The following PPM1L variants were observed in gnomAD, a reference collection of about 807,000 sequenced individuals.
PPM1L encodes protein phosphatase, Mg2+/Mn2+ dependent 1L.
A neutral mutation model predicts 31.4 loss-of-function variants in PPM1L; 13 were observed. The ratio of observed to expected loss-of-function variants is 0.41; its 90% CI spans 0.27 to 0.66. The LOEUF (loss-of-function observed/expected upper bound fraction) is 0.66. Among genes scored for constraint, PPM1L ranks in the 30% least tolerant of loss-of-function variants. The pLI is 0.29. For synonymous variants in PPM1L, 184 were observed against 175.4 expected, an observed-to-expected ratio of 1.05 and a Z score of -0.39; for missense variants, 326 against 453.7, an observed-to-expected ratio of 0.72 and a Z score of 2.56.
chr3:160,798,638 A>T (rs1054550388), intron 1 of PPM1L, among the ~76,000 whole-genome samples: 1 of 152,228 alleles, frequency 6.6e-6, no homozygotes. Context: ...CTGCTCATTG[A>T]CAATACACCT....
chr3:161,045,290 C>G (rs568225217), intron 2 of PPM1L, among the ~76,000 whole-genome samples: 1 of 152,176 alleles, frequency 6.6e-6, no homozygotes. Context: ...ATCTACAGAG[C>G]GCTCCACCAC....
In PPM1L at chr3:160,972,835, A is replaced by G. The variant is rs527477802; in HGVS notation, c.574+10925A>G. ...CCACCAACAGTGTAAAAGTGTTCCT[A>G]TTTCTCCACATCCTCTCCAGCACCT... On this transcript the variant is annotated intron_variant, in intron 2 of 3. Coordinates refer to ENST00000498165, the MANE Select transcript of PPM1L (RefSeq NM_139245.4). Among the ~76,000 whole-genome samples, 430 of 152,082 alleles carry G rather than the reference A, an allele frequency of 2.8e-3. 1 individual carries two copies. The highest frequency in any genetic ancestry group is 0.017 in the Middle Eastern group (5 of 294).
At chr3:160,807,599 G>A (rs531314255) in intron 1 of PPM1L, among the ~76,000 whole-genome samples, 7 of 152,206 alleles carry the variant, frequency 4.6e-5, no homozygotes, top group Admixed American at 3.3e-4. Context: ...TGTGGATAAC[G>A]CACCTGGAAG....
At chr3:160,914,225 G>A (rs1054538338) in intron 1 of PPM1L, among the ~76,000 whole-genome samples, 2 of 152,130 alleles carry the variant, frequency 1.3e-5, no homozygotes, top group South Asian at 2.1e-4. Context: ...TTTTTGTGAA[G>A]CATCTGTTCA....
chr3:161,039,682 C>T (rs1018595962), intron 2 of PPM1L, among the ~76,000 whole-genome samples: 1 of 152,024 alleles, frequency 6.6e-6, no homozygotes, highest in Non-Finnish European at 1.5e-5. Flanking sequence ...GCCACCACAC[C>T]CGGCTAATTT....
chr3:160,822,723 T>C (rs1005843098), intron 1 of PPM1L, among the ~76,000 whole-genome samples: 19 of 152,134 alleles, frequency 1.2e-4, no homozygotes, highest in Admixed American at 6.6e-5. Flanking sequence ...CAATGACAAC[T>C]AGCATGCATC....
chr3:161,057,861 T>C (rs1719457424), intron 2 of PPM1L, among the ~76,000 whole-genome samples: 1 of 151,698 alleles, frequency 6.6e-6, no homozygotes, highest in Non-Finnish European at 1.5e-5. Context: ...AGCCAGAAAA[T>C]GTTTTAGAAC....
At chr3:160,939,656 C>T in intron 1 of PPM1L, 1 of 158,792 alleles carries the variant, frequency 6.3e-6, no homozygotes, top group Non-Finnish European at 1.4e-5. Context: ...TTGCCACCAG[C>T]ATGTAAGAAG....
intron 2 of PPM1L, among the ~76,000 whole-genome samples, chr3:160,987,173 G>C (rs1716991243): frequency 6.6e-6 from 1 of 152,224 alleles, no homozygotes; most frequent in Non-Finnish European, 1.5e-5. Flanking sequence ...CACAGGACTA[G>C]AAAGGTATGC....
chr3:160,960,578 G>A (rs1445750389), intron 1 of PPM1L, among the ~76,000 whole-genome samples: 1 of 150,762 alleles, frequency 6.6e-6, no homozygotes, highest in African/African-American at 2.4e-5. Context: ...GTGTGTGTGT[G>A]TGTGTGTGTG....
intron 1 of PPM1L, among the ~76,000 whole-genome samples, chr3:160,873,349 G>C (rs1243164156): frequency 6.6e-6 from 1 of 152,282 alleles, no homozygotes; most frequent in Non-Finnish European, 1.5e-5. Context: ...AGATGCTTAT[G>C]TGCTAACCTG....
chr3:160,936,921 C>T (rs142649404), intron 1 of PPM1L, among the ~76,000 whole-genome samples: 1 of 152,154 alleles, frequency 6.6e-6, no homozygotes, highest in Non-Finnish European at 1.5e-5. Context: ...AAAAACCAAT[C>T]TAGTGTGAAT....
chr3:160,786,344 A>G (rs1217391609), intron 1 of PPM1L, among the ~76,000 whole-genome samples: 1 of 148,116 alleles, frequency 6.8e-6, no homozygotes, highest in Non-Finnish European at 1.5e-5. Context: ...CAGCCTCCCA[A>G]GTAGCTGGGA....
At position 161,022,728 on chromosome 3, in the gene PPM1L, A is replaced by G. The variant is rs534684360; in HGVS notation, c.575-42675A>G. Reference sequence around the variant, plus strand: ...ACCCAGGCTGGAGTGCAGTGGCACAATCTTCGCTCACTGCAAGCTCCACCT... The same window carrying G: ...ACCCAGGCTGGAGTGCAGTGGCACAGTCTTCGCTCACTGCAAGCTCCACCT... On this transcript the variant is annotated intron_variant, in intron 2 of 3. Coordinates refer to ENST00000498165, the MANE Select transcript of PPM1L (RefSeq NM_139245.4). Among the ~76,000 whole-genome samples, 15 of 142,002 alleles carry G rather than the reference A, an allele frequency of 1.1e-4. No homozygotes were observed. The South Asian group carries it at 2.8e-3, about 27-fold the overall frequency. The allele number at this position is 142,002 out of a possible 152,430, so 93.2% of individuals were successfully genotyped here. A position where few individuals can be genotyped will look rare whatever the true frequency, so the allele number is the denominator to read the frequency against.
At chr3:160,910,920 G>A (rs975168997) in intron 1 of PPM1L, among the ~76,000 whole-genome samples, 1 of 152,038 alleles carries the variant, frequency 6.6e-6, no homozygotes. Flanking sequence ...TTGAACTCGG[G>A]GATTCAGGAA....
intron 1 of PPM1L, among the ~76,000 whole-genome samples, chr3:160,809,979 G>T (rs1403864648): frequency 2.0e-5 from 3 of 152,048 alleles, no homozygotes; most frequent in Admixed American, 6.6e-5. Context: ...TTACAAGTTT[G>T]TAATGGTTAT....
At chr3:161,038,958 G>T (rs1350732252) in intron 2 of PPM1L, among the ~76,000 whole-genome samples, 3 of 152,140 alleles carry the variant, frequency 2.0e-5, no homozygotes, top group African/African-American at 7.2e-5. Context: ...AACCAAAATG[G>T]TGACGAGAAT....
At chr3:160,935,467 AAGT>A (rs1220621412) in intron 1 of PPM1L, among the ~76,000 whole-genome samples, 1 of 152,220 alleles carries the variant, frequency 6.6e-6, no homozygotes, top group Non-Finnish European at 1.5e-5. Flanking sequence ...ATAGTTAAAA[AAGT>A]AGTGATCCAT....
intron 2 of PPM1L, among the ~76,000 whole-genome samples, chr3:160,979,880 C>A (rs1033444485): frequency 6.6e-6 from 1 of 152,028 alleles, no homozygotes; most frequent in African/African-American, 2.4e-5. Context: ...TCATATGTAT[C>A]TTTGGAATAA....
Sources: gnomAD v4.1 joint callset for allele counts (sites outside exome capture counted in the v4.1 genomes callset) on GRCh38, gnomAD v4.1.1 for gene constraint, MANE v1.5 for transcripts, NCBI Gene and HGNC (gene_info 2026-07-23, HGNC 2026-07-21) for gene names.